Variants in CTNNA3 observed in about 807,000 individuals in gnomAD.
CTNNA3 encodes catenin alpha-3.
A neutral mutation model predicts 95.7 loss-of-function variants in CTNNA3; 76 were observed. The ratio of observed to expected loss-of-function variants is 0.79; its 90% CI spans 0.66 to 0.96. The LOEUF is 0.96. Among genes scored for constraint, CTNNA3 ranks in the 40% least tolerant of loss-of-function variants. The pLI is 0.00. For synonymous variants in CTNNA3, 431 were observed against 374.4 expected (o/e 1.15, Z -1.74); for missense variants, 1,191 against 1,089.8 (o/e 1.09, Z -1.31).
chr10:66,278,459 C>T (rs958473792), intron 13 of CTNNA3, among the ~76,000 whole-genome samples: 1 of 151,960 alleles, frequency 6.6e-6, no homozygotes, highest in South Asian at 2.1e-4. Context: ...AAGTATTTAT[C>T]TTGAAAAAGA....
intron 7 of CTNNA3, among the ~76,000 whole-genome samples, chr10:66,854,967 A>C (rs1843635096): frequency 6.6e-6 from 1 of 151,928 alleles, no homozygotes. Flanking sequence ...CATAACTTGC[A>C]AGGTCCTTGT....
At chr10:66,805,059 A>G (rs914969754) in intron 7 of CTNNA3, among the ~76,000 whole-genome samples, 5 of 152,154 alleles carry the variant, frequency 3.3e-5, no homozygotes, top group African/African-American at 4.8e-5. Context: ...GAAACTTTGG[A>G]CTTCTGTGCT....
chr10:66,528,612 T>C (rs776619115), intron 10 of CTNNA3, among the ~76,000 whole-genome samples: 100 of 152,092 alleles, frequency 6.6e-4, no homozygotes, highest in Non-Finnish European at 3.8e-4. Flanking sequence ...GGAAGTTGAG[T>C]TGAGGATACA....
chr10:67,002,584 C>G (rs1851749985), intron 7 of CTNNA3, among the ~76,000 whole-genome samples: 1 of 152,108 alleles, frequency 6.6e-6, no homozygotes, highest in Non-Finnish European at 1.5e-5. Flanking sequence ...TCCTTTGACA[C>G]AATGAACACA....
intron 7 of CTNNA3, among the ~76,000 whole-genome samples, chr10:67,146,544 T>C (rs561867086): frequency 6.6e-6 from 1 of 152,276 alleles, no homozygotes; most frequent in South Asian, 2.1e-4. Context: ...AATGAAATTG[T>C]TCAAAAAAGA....
intron 7 of CTNNA3, among the ~76,000 whole-genome samples, chr10:66,929,288 T>C (rs1847240470): frequency 6.6e-6 from 1 of 152,186 alleles, no homozygotes; most frequent in South Asian, 2.1e-4. Flanking sequence ...CACCTCACAT[T>C]AGTTAGGGAG....
chr10:67,244,151 T>C (rs1405222641), intron 5 of CTNNA3, among the ~76,000 whole-genome samples: 3 of 152,244 alleles, frequency 2.0e-5, no homozygotes, highest in African/African-American at 7.2e-5. Flanking sequence ...TTTTTTAATC[T>C]TCCCTGACTA....
intron 7 of CTNNA3, among the ~76,000 whole-genome samples, chr10:66,784,834 C>T (rs925142461): frequency 1.3e-5 from 2 of 152,112 alleles, no homozygotes; most frequent in South Asian, 4.1e-4. Context: ...CATTCTCCTC[C>T]CTACTTTCTC....
At chr10:65,973,735 A>G (rs1214907748) in intron 16 of CTNNA3, among the ~76,000 whole-genome samples, 1 of 152,088 alleles carries the variant, frequency 6.6e-6, no homozygotes, top group Non-Finnish European at 1.5e-5. Flanking sequence ...CGTGGGGAGA[A>G]CAGGAGCAAG....
intron 7 of CTNNA3, among the ~76,000 whole-genome samples, chr10:67,025,926 C>T: frequency 6.8e-6 from 1 of 147,996 alleles, no homozygotes. Flanking sequence ...TACTATGCAG[C>T]CATAAAAAAT....
chr10:67,155,392 A>C (rs1048203000), intron 7 of CTNNA3, among the ~76,000 whole-genome samples: 5 of 152,212 alleles, frequency 3.3e-5, no homozygotes, highest in African/African-American at 1.2e-4. Flanking sequence ...TAATGATTAC[A>C]TGACAATAAG....
chr10:67,569,786 CTTCTCATCCCT>C (rs1246507997), intron 3 of CTNNA3, among the ~76,000 whole-genome samples: 1 of 152,056 alleles, frequency 6.6e-6, no homozygotes, highest in African/African-American at 2.4e-5. Context: ...TTGACTGTTT[CTTCTCATCCCT>C]TTCTTAAGTT....
intron 7 of CTNNA3, among the ~76,000 whole-genome samples, chr10:67,102,231 T>A (rs771796116): frequency 3.3e-5 from 5 of 151,734 alleles, no homozygotes; most frequent in Admixed American, 1.3e-4. Context: ...CCAGGAGCAA[T>A]GCTTTCAAAA....
At chr10:67,590,240 C>T (rs1301116353) in intron 3 of CTNNA3, among the ~76,000 whole-genome samples, 4 of 152,080 alleles carry the variant, frequency 2.6e-5, no homozygotes, top group African/African-American at 7.2e-5. Flanking sequence ...CTTTACTATC[C>T]TAGGGGATCC....
At chr10:66,653,673 A>C (rs2132421829) in intron 9 of CTNNA3, among the ~76,000 whole-genome samples, 1 of 152,206 alleles carries the variant, frequency 6.6e-6, no homozygotes, top group South Asian at 2.1e-4. Context: ...TAACACAATC[A>C]GAGGTATCAC....
At chr10:67,424,102 G>C (rs1845834828) in intron 5 of CTNNA3, among the ~76,000 whole-genome samples, 1 of 152,146 alleles carries the variant, frequency 6.6e-6, no homozygotes, top group Non-Finnish European at 1.5e-5. Context: ...CTAATGAGCT[G>C]TTCTGTTACC....
At chr10:67,078,567 A>G (rs1856861335) in intron 7 of CTNNA3, among the ~76,000 whole-genome samples, 1 of 151,858 alleles carries the variant, frequency 6.6e-6, no homozygotes, top group Admixed American at 6.6e-5. Context: ...CCCAGGCTGG[A>G]GTGCAGTGGT....
At chr10:67,059,095 G>C (rs1479858643) in intron 7 of CTNNA3, among the ~76,000 whole-genome samples, 1 of 152,124 alleles carries the variant, frequency 6.6e-6, no homozygotes, top group Non-Finnish European at 1.5e-5. Context: ...ACTTAGTCTT[G>C]AGAATCTAAT....
At chr10:67,306,673 A>C (rs530331656) in intron 5 of CTNNA3, among the ~76,000 whole-genome samples, 3 of 152,338 alleles carry the variant, frequency 2.0e-5, no homozygotes, top group South Asian at 2.1e-4. Context: ...ATAGCTCCTC[A>C]GAATTTCTTC....
Sources: allele counts gnomAD v4.1 joint callset (sites outside exome capture counted in the v4.1 genomes callset), GRCh38; gene constraint gnomAD v4.1.1; transcripts MANE v1.5; gene names NCBI Gene and HGNC (gene_info 2026-07-23, HGNC 2026-07-21).